ARAP2: variants seen among roughly 807,000 people sequenced by gnomAD.
ARAP2 encodes ArfGAP with RhoGAP domain, ankyrin repeat and PH domain 2, also known as arf-GAP with Rho-GAP domain, ANK repeat and PH domain-containing protein 2.
A neutral mutation model predicts 194.5 loss-of-function variants in ARAP2; 148 were observed. The observed-to-expected ratio is 0.76, with a 90% CI of 0.67 to 0.87. The LOEUF is 0.87. Among genes scored for constraint, ARAP2 ranks in the 40% least tolerant of loss-of-function variants. ARAP2 has a pLI of 0.00. For missense variants in ARAP2, 2,128 were observed against 1,989.7 expected (o/e 1.07, Z -1.32); for synonymous variants, 695 against 683.5 (o/e 1.02, Z -0.26).
In ARAP2 at chr4:36,066,581, A is replaced by C. The variant is rs1443604691; in HGVS notation, c.*1326T>G. The C allele has an allele frequency of 1.3e-5, 2 of 152,088 alleles. No homozygotes were observed. The highest frequency in any genetic ancestry group is 4.8e-5 in the African/African-American group (2 of 41,428). 9.4% of individuals were successfully genotyped at this position (152,088 alleles called of 1,614,324 possible). ...TAAAAAAGAAATGCTAAAAAAAAAAAACTTAGCTACATAATGTTTAATATC... is the reference window on the plus strand; with the variant it reads ...TAAAAAAGAAATGCTAAAAAAAAAACACTTAGCTACATAATGTTTAATATC... On this transcript the variant is annotated 3_prime_UTR_variant, in exon 33 of 33. Coordinates refer to ENST00000303965, the MANE Select transcript of ARAP2 (RefSeq NM_015230.4).
chr4:36,027,043 G>A (rs1429382385), intron 5 of ARAP2, among the ~76,000 whole-genome samples: 1 of 152,142 alleles, frequency 6.6e-6, no homozygotes, highest in Non-Finnish European at 1.5e-5. Flanking sequence ...TTCAGCGTGG[G>A]GGACTAATCC....
At chr4:36,101,244 C>G (rs1036223622) in intron 27 of ARAP2, among the ~76,000 whole-genome samples, 5 of 151,866 alleles carry the variant, frequency 3.3e-5, no homozygotes, top group African/African-American at 4.8e-5. Flanking sequence ...TAACCCACCT[C>G]CCCATGGATA....
At chr4:36,219,625 TA>T (rs1202333393) in intron 2 of ARAP2, among the ~76,000 whole-genome samples, 2 of 152,182 alleles carry the variant, frequency 1.3e-5, no homozygotes, top group African/African-American at 4.8e-5. Context: ...AAAATTAGTC[TA>T]TTTTATATGT....
At position 36,016,737 on chromosome 4, in the gene ARAP2, A is replaced by G. The variant is rs534048161; in HGVS notation, n.751-779T>C. Among the ~76,000 whole-genome samples, 17 of 152,278 alleles carry G rather than the reference A, an allele frequency of 1.1e-4. No homozygotes were observed. The East Asian group carries it at 2.3e-3, about 21-fold the overall frequency. On this transcript the variant is annotated intron_variant and non_coding_transcript_variant, in intron 6 of 12. Coordinates refer to the ARAP2 transcript ENST00000503225. ...GTTAAAAATATATTATTTCTCCATAATGAACATGCCTCGCTTGAAAACGTG... is the reference window on the plus strand; with the variant it reads ...GTTAAAAATATATTATTTCTCCATAGTGAACATGCCTCGCTTGAAAACGTG...
intron 1 of ARAP2, among the ~76,000 whole-genome samples, chr4:36,231,330 A>G (rs959957547): frequency 1.4e-5 from 2 of 148,138 alleles, no homozygotes; most frequent in Non-Finnish European, 3.0e-5. Context: ...GCGAGACTTC[A>G]TCTCAAAAAT....
intron 4 of ARAP2, among the ~76,000 whole-genome samples, 188 bp downstream of exon 4, chr4:36,213,055 T>C (rs1356191876): frequency 6.6e-6 from 1 of 152,060 alleles, no homozygotes. Context: ...AAACATGTGT[T>C]CCTATAATGT....
chr4:36,024,241 A>T (rs1269782322), intron 5 of ARAP2, among the ~76,000 whole-genome samples: 1 of 152,188 alleles, frequency 6.6e-6, no homozygotes, highest in Non-Finnish European at 1.5e-5. Flanking sequence ...ATCAAGTCAC[A>T]ACGATTTATG....
At chr4:36,227,165 T>C (rs1750508776) in intron 2 of ARAP2, among the ~76,000 whole-genome samples, 1 of 152,194 alleles carries the variant, frequency 6.6e-6, no homozygotes, top group South Asian at 2.1e-4. Flanking sequence ...ACTACCCATG[T>C]GATCTTGGAG....
chr4:36,081,525 C>T (rs1172639327), intron 30 of ARAP2, among the ~76,000 whole-genome samples: 1 of 152,098 alleles, frequency 6.6e-6, no homozygotes, highest in Non-Finnish European at 1.5e-5. Flanking sequence ...GCCTTGCATG[C>T]CACGCAACAA....
At chr4:36,137,126 C>T (rs577559515) in intron 19 of ARAP2, among the ~76,000 whole-genome samples, 3 of 151,758 alleles carry the variant, frequency 2.0e-5, no homozygotes, top group Non-Finnish European at 4.4e-5. Flanking sequence ...TCTTAAAATA[C>T]GTATGCATTA....
chr4:36,024,763 A>G (rs1717614026), intron 5 of ARAP2, among the ~76,000 whole-genome samples: 1 of 152,154 alleles, frequency 6.6e-6, no homozygotes, highest in Non-Finnish European at 1.5e-5. Flanking sequence ...CAACCTATTC[A>G]ATATGTAGGC....
intron 20 of ARAP2, among the ~76,000 whole-genome samples, chr4:36,132,437 C>A (rs1254908486): frequency 1.3e-5 from 2 of 151,742 alleles, no homozygotes; most frequent in African/African-American, 4.8e-5. Flanking sequence ...CATTTGTGAT[C>A]TAAATAAATG....
At chr4:36,145,285 C>A (rs1337562491) in intron 19 of ARAP2, among the ~76,000 whole-genome samples, 2 of 151,910 alleles carry the variant, frequency 1.3e-5, no homozygotes, top group African/African-American at 4.8e-5. Flanking sequence ...ACTCAAGTGC[C>A]GATCAGTGGT....
chr4:36,138,344 C>T (rs539653406), intron 19 of ARAP2, among the ~76,000 whole-genome samples: 11 of 151,776 alleles, frequency 7.2e-5, no homozygotes, highest in African/African-American at 2.4e-4. Context: ...TCACAATGTT[C>T]ACTCATAACT....
At chr4:36,050,359 A>G (rs1350913518) in intron 3 of ARAP2, among the ~76,000 whole-genome samples, 1 of 152,216 alleles carries the variant, frequency 6.6e-6, no homozygotes, top group Non-Finnish European at 1.5e-5. Context: ...TAAAATTAGT[A>G]CAAAAGTAAC....
intron 15 of ARAP2, among the ~76,000 whole-genome samples, chr4:36,156,236 T>C (rs1249735273): frequency 2.0e-5 from 3 of 148,868 alleles, no homozygotes; most frequent in African/African-American, 7.4e-5. Flanking sequence ...GAGCTGAGAT[T>C]GTGCCACTGC....
At chr4:36,219,128 C>T (rs1748624057) in intron 2 of ARAP2, among the ~76,000 whole-genome samples, 2 of 152,230 alleles carry the variant, frequency 1.3e-5, no homozygotes, top group Admixed American at 6.5e-5. Flanking sequence ...GATGGTAATG[C>T]AAATTCATAC....
intron 7 of ARAP2, 56 bp downstream of exon 7, chr4:36,193,522 T>C: frequency 2.5e-6 from 3 of 1,223,052 alleles, no homozygotes; most frequent in Non-Finnish European, 3.4e-6. Flanking sequence ...TGCTTGCTTA[T>C]TTTACTCTTC....
At chr4:36,071,549 G>A (rs1334850232) in intron 32 of ARAP2, among the ~76,000 whole-genome samples, 1 of 152,000 alleles carries the variant, frequency 6.6e-6, no homozygotes, top group Non-Finnish European at 1.5e-5. Flanking sequence ...CTTTCAATAG[G>A]ACTGAATGAA....
Sources: allele counts gnomAD v4.1 joint callset (sites outside exome capture counted in the v4.1 genomes callset), GRCh38; gene constraint gnomAD v4.1.1; transcripts MANE v1.5; gene names NCBI Gene and HGNC (gene_info 2026-07-23, HGNC 2026-07-21).